The following ADGRL2 variants were observed in gnomAD, a reference collection of about 807,000 sequenced individuals.
The protein encoded by ADGRL2 is calcium-independent alpha-latrotoxin receptor 2.
ADGRL2 carries 44 observed loss-of-function variants against 157.4 expected under a neutral mutation model. The observed-to-expected ratio is 0.28, with a 90% confidence interval of 0.22 to 0.36. The LOEUF (loss-of-function observed/expected upper bound fraction) is 0.36. Among genes scored for constraint, ADGRL2 ranks in the 10% least tolerant of loss-of-function variants. The pLI, the probability that ADGRL2 is intolerant of heterozygous loss-of-function variation, is 1.00. For missense variants in ADGRL2, 1,510 were observed against 1,768.9 expected (o/e 0.85, Z 2.63); for synonymous variants, 585 against 624.7 (o/e 0.94, Z 0.95).
chr1:81,876,848 A>C (rs1175190914), intron 2 of ADGRL2, among the ~76,000 whole-genome samples: 1 of 152,170 alleles, frequency 6.6e-6, no homozygotes, highest in East Asian at 1.9e-4. Flanking sequence ...AGCTAAATCT[A>C]CTTGTGGAAG....
At chr1:81,693,048 A>G (rs1175648869) in intron 3 of ADGRL2, among the ~76,000 whole-genome samples, 2 of 152,222 alleles carry the variant, frequency 1.3e-5, no homozygotes, top group Non-Finnish European at 2.9e-5. Flanking sequence ...TGACAGAGGT[A>G]GGCCTAGAGT....
chr1:81,919,931 T>A (rs2148577970), intron 3 of ADGRL2, among the ~76,000 whole-genome samples: 1 of 152,318 alleles, frequency 6.6e-6, no homozygotes, highest in Middle Eastern at 3.4e-3. Context: ...TAAGCTGTGA[T>A]GATTACTGAA....
intron 1 of ADGRL2, among the ~76,000 whole-genome samples, chr1:81,371,654 A>C (rs890382715): frequency 1.3e-5 from 2 of 152,194 alleles, no homozygotes; most frequent in Non-Finnish European, 2.9e-5. Context: ...TGTAGCCTTA[A>C]ATCTCTGTGA....
chr1:81,481,321 A>G (rs1212081405), intron 2 of ADGRL2, among the ~76,000 whole-genome samples: 1 of 152,220 alleles, frequency 6.6e-6, no homozygotes, highest in Non-Finnish European at 1.5e-5. Flanking sequence ...TCACATGGGG[A>G]ATGTTTCCCC....
intron 2 of ADGRL2, among the ~76,000 whole-genome samples, chr1:81,530,495 G>A (rs1458556455): frequency 1.3e-5 from 2 of 151,962 alleles, no homozygotes; most frequent in African/African-American, 2.4e-5. Flanking sequence ...CCACAGGTAT[G>A]CACCACCACA....
At chr1:81,338,005 ATTTG>A (rs1329764740) in intron 1 of ADGRL2, among the ~76,000 whole-genome samples, 1 of 152,138 alleles carries the variant, frequency 6.6e-6, no homozygotes, top group African/African-American at 2.4e-5. Context: ...TAATATATAT[ATTTG>A]TTTTATACAA....
chr1:81,537,577 C>A (rs557042478), intron 2 of ADGRL2, among the ~76,000 whole-genome samples: 34 of 152,098 alleles, frequency 2.2e-4, no homozygotes, highest in Non-Finnish European at 4.0e-4. Context: ...TGAGCCACCA[C>A]GCCTGCCCAG....
At chr1:81,965,277 T>C (rs184273929) in intron 11 of ADGRL2, among the ~76,000 whole-genome samples, 15 of 152,336 alleles carry the variant, frequency 9.8e-5, no homozygotes, top group Non-Finnish European at 2.1e-4. Context: ...TTAACTGGCA[T>C]TGTAGCACTG....
chr1:81,441,565 C>A (rs1570976769), intron 1 of ADGRL2, among the ~76,000 whole-genome samples: 1 of 152,244 alleles, frequency 6.6e-6, no homozygotes, highest in South Asian at 2.1e-4. Context: ...CACATTGTCA[C>A]CCAGGCTGGA....
At chr1:81,379,008 G>T (rs1437264436) in intron 1 of ADGRL2, among the ~76,000 whole-genome samples, 1 of 152,064 alleles carries the variant, frequency 6.6e-6, no homozygotes. Context: ...CTGTTTATTA[G>T]CATTCTTACT....
intron 23 of ADGRL2, 106 bp from the exon 24 acceptor site, chr1:81,990,285 A>C (rs539331462): frequency 6.6e-7 from 1 of 1,509,392 alleles, no homozygotes; most frequent in Non-Finnish European, 8.8e-7. Context: ...TAGCTTTCAA[A>C]TACAACTTTG....
In ADGRL2 at chr1:81,509,175, T is replaced by A. The variant is rs148256689; in HGVS notation, c.-248+64086T>A. Among the ~76,000 whole-genome samples, 8 of 152,248 alleles carry A rather than the reference T, an allele frequency of 5.3e-5. No individual in the cohort carries two copies. The East Asian group carries it at 1.5e-3, about 29-fold the overall frequency. On this transcript the variant is annotated intron_variant, in intron 2 of 24. Transcript: ENST00000370721. ...TGGTACTTCCACTGCTAAAATGAAT[T>A]GGAGATCAATGCACAGAAACTCACA...
chr1:81,932,842 C>T (rs1392124253), intron 3 of ADGRL2, among the ~76,000 whole-genome samples: 9 of 152,046 alleles, frequency 5.9e-5, no homozygotes, highest in Non-Finnish European at 4.4e-5. Flanking sequence ...TGCAGGCATG[C>T]GCCACCATGC....
intron 1 of ADGRL2, among the ~76,000 whole-genome samples, chr1:81,725,054 A>T (rs2084470199): frequency 6.6e-6 from 1 of 151,484 alleles, no homozygotes; most frequent in South Asian, 2.1e-4. Context: ...AAATACAAAA[A>T]ATTAGCTGGG....
At chr1:81,935,831 T>C (rs3790895) in intron 3 of ADGRL2, among the ~76,000 whole-genome samples, 58,651 of 151,666 alleles carry the variant, frequency 0.39, 11,672 homozygotes, top group Middle Eastern at 0.44. Flanking sequence ...ATTCATAGAA[T>C]GTACATATCA....
At chr1:81,801,493 T>TTC (rs1424875935) in intron 1 of ADGRL2, among the ~76,000 whole-genome samples, 231 of 152,296 alleles carry the variant, frequency 1.5e-3, no homozygotes, top group African/African-American at 5.5e-3. Flanking sequence ...AATCGGGAGC[T>TTC]TACCAGAGAA....
chr1:81,954,686 A>T (rs1215797446), intron 10 of ADGRL2, among the ~76,000 whole-genome samples: 1 of 152,142 alleles, frequency 6.6e-6, no homozygotes, highest in African/African-American at 2.4e-5. Flanking sequence ...AGGGAGAAAA[A>T]AAGCCTTTAA....
intron 2 of ADGRL2, among the ~76,000 whole-genome samples, chr1:81,462,767 T>C (rs1368426267): frequency 6.6e-6 from 1 of 152,164 alleles, no homozygotes; most frequent in Non-Finnish European, 1.5e-5. Flanking sequence ...AATTGGGTCA[T>C]TATATTTATT....
intron 3 of ADGRL2, among the ~76,000 whole-genome samples, chr1:81,908,178 T>C (rs1164629828): frequency 6.6e-6 from 1 of 152,214 alleles, no homozygotes; most frequent in Non-Finnish European, 1.5e-5. Context: ...TAGGCTATAC[T>C]ATCTCAGTTT....
Sources: allele counts gnomAD v4.1 joint callset (sites outside exome capture counted in the v4.1 genomes callset), GRCh38; gene constraint gnomAD v4.1.1; transcripts MANE v1.5; gene names NCBI Gene and HGNC (gene_info 2026-07-23, HGNC 2026-07-21).